LRRTM4: variants seen among roughly 807,000 people sequenced by gnomAD.
The protein encoded by LRRTM4 is leucine-rich repeat transmembrane neuronal protein 4.
Under a neutral mutation model 47.6 loss-of-function variants are expected in LRRTM4, and 25 were observed. The ratio of observed to expected loss-of-function variants is 0.53; its 90% CI spans 0.38 to 0.73. LRRTM4 has a LOEUF of 0.73. LRRTM4 is among the 30% of genes least tolerant of loss of function. The probability of loss-of-function intolerance (pLI) is 0.00; values close to 1 mark genes in which losing one functional copy is unlikely to be tolerated. For missense variants in LRRTM4, 638 were observed against 713.4 expected, an observed-to-expected ratio of 0.89 and a Z score of 1.20; for synonymous variants, 311 against 269.5, an observed-to-expected ratio of 1.15 and a Z score of -1.51.
rs150723883 is a variant in LRRTM4 at position 77,037,727 on chromosome 2, TTTGG to T, written c.1552-288815_1552-288812del. On this transcript the variant is annotated intron_variant, in intron 3 of 3. Transcript: ENST00000409884. ...CTCCCCATTAGACACATTTTATTTG[TTTGG>T]TTGTTTGTTTGCTTATTTGTTTTCA... Among the ~76,000 whole-genome samples, 482 of 151,820 alleles carry T rather than the reference TTTGG, an allele frequency of 3.2e-3. 6 individuals carry two copies. In the East Asian group the frequency reaches 0.05, roughly 16 times the overall value.
intron 3 of LRRTM4, among the ~76,000 whole-genome samples, chr2:77,104,215 G>A (rs1166972551): frequency 2.0e-5 from 3 of 152,076 alleles, no homozygotes; most frequent in Admixed American, 6.5e-5. Context: ...CTTTGAGTCT[G>A]TGTCATCTTC....
chr2:76,928,321 A>AT (rs1390205498), intron 3 of LRRTM4, among the ~76,000 whole-genome samples: 1 of 152,192 alleles, frequency 6.6e-6, no homozygotes, highest in African/African-American at 2.4e-5. Flanking sequence ...ATCATGTATA[A>AT]TTTACTGAAT....
intron 3 of LRRTM4, among the ~76,000 whole-genome samples, chr2:76,916,253 C>T (rs1201403982): frequency 2.6e-5 from 4 of 151,414 alleles, no homozygotes; most frequent in Admixed American, 2.0e-4. Context: ...GGCGTGTTGG[C>T]GGGCGCCTGT....
intron 3 of LRRTM4, among the ~76,000 whole-genome samples, chr2:77,423,651 A>G (rs1674990206): frequency 6.6e-6 from 1 of 152,170 alleles, no homozygotes; most frequent in African/African-American, 2.4e-5. Context: ...AAGGGGCAAA[A>G]CTTTCTTTCA....
At chr2:76,823,693 TAAACA>T (rs1338606498) in intron 3 of LRRTM4, among the ~76,000 whole-genome samples, 2 of 151,372 alleles carry the variant, frequency 1.3e-5, no homozygotes, top group Admixed American at 6.6e-5. Context: ...TCAACAACAA[TAAACA>T]AAATAAAAGC....
At chr2:77,183,858 G>C (rs111434063) in intron 3 of LRRTM4, among the ~76,000 whole-genome samples, 17,181 of 151,966 alleles carry the variant, frequency 0.11, 2,597 homozygotes, top group African/African-American at 0.35. Context: ...CACATGTTCT[G>C]ACTCATAGGT....
At chr2:77,347,801 C>T (rs1250435784) in intron 3 of LRRTM4, among the ~76,000 whole-genome samples, 1 of 151,962 alleles carries the variant, frequency 6.6e-6, no homozygotes, top group Admixed American at 6.6e-5. Flanking sequence ...CTTGGTAGCT[C>T]TGGTCTAAAA....
chr2:77,517,448 C>T, intron 3 of LRRTM4: 1 of 984,970 alleles, frequency 1.0e-6, no homozygotes, highest in African/African-American at 1.7e-5. Flanking sequence ...GACAAACAGT[C>T]CCTGTTATGA....
chr2:76,973,165 C>G (rs554758264), intron 3 of LRRTM4, among the ~76,000 whole-genome samples: 70 of 151,856 alleles, frequency 4.6e-4, no homozygotes, highest in Non-Finnish European at 9.4e-4. Flanking sequence ...CAAGGAGACT[C>G]TGACAAAGAG....
At chr2:76,973,821 T>C (rs1050608211) in intron 3 of LRRTM4, among the ~76,000 whole-genome samples, 3 of 151,918 alleles carry the variant, frequency 2.0e-5, no homozygotes, top group African/African-American at 7.2e-5. Flanking sequence ...GTCAATCTTT[T>C]CCCATCATTT....
chr2:76,911,236 G>A (rs1428145556), intron 3 of LRRTM4, among the ~76,000 whole-genome samples: 1 of 148,230 alleles, frequency 6.7e-6, no homozygotes, highest in Non-Finnish European at 1.5e-5. Context: ...AGATAGACGT[G>A]TTGTGAAGCC....
chr2:77,295,113 C>T (rs1573209581), intron 3 of LRRTM4, among the ~76,000 whole-genome samples: 1 of 152,204 alleles, frequency 6.6e-6, no homozygotes, highest in East Asian at 1.9e-4. Flanking sequence ...GCTTATATTA[C>T]TGCACTTGTT....
At chr2:77,144,526 A>G (rs1010156074) in intron 3 of LRRTM4, among the ~76,000 whole-genome samples, 1 of 152,172 alleles carries the variant, frequency 6.6e-6, no homozygotes, top group African/African-American at 2.4e-5. Context: ...AGAAAAACAC[A>G]CTGGTCCACA....
At chr2:77,013,629 T>A (rs1464419712) in intron 3 of LRRTM4, among the ~76,000 whole-genome samples, 1 of 152,138 alleles carries the variant, frequency 6.6e-6, no homozygotes, top group Non-Finnish European at 1.5e-5. Flanking sequence ...AGTCTTTGGC[T>A]TGTCTTCAGT....
At chr2:77,505,741 C>T (rs1328615197) in intron 3 of LRRTM4, among the ~76,000 whole-genome samples, 2 of 151,430 alleles carry the variant, frequency 1.3e-5, no homozygotes, top group Non-Finnish European at 3.0e-5. Flanking sequence ...CATACATATA[C>T]ATGCATTATC....
chr2:77,309,284 C>T (rs1023318704), intron 3 of LRRTM4, among the ~76,000 whole-genome samples: 1 of 152,084 alleles, frequency 6.6e-6, no homozygotes, highest in African/African-American at 2.4e-5. Context: ...ATGTTTGGCT[C>T]TCCCTCCTGT....
At chr2:77,252,133 T>C (rs1050284966) in intron 3 of LRRTM4, among the ~76,000 whole-genome samples, 1 of 152,084 alleles carries the variant, frequency 6.6e-6, no homozygotes, top group African/African-American at 2.4e-5. Flanking sequence ...GCACCAGAAA[T>C]GTGTGAAGCA....
intron 3 of LRRTM4, among the ~76,000 whole-genome samples, chr2:76,887,635 G>T (rs992278846): frequency 6.7e-6 from 1 of 149,106 alleles, no homozygotes; most frequent in Non-Finnish European, 1.5e-5. Context: ...CACTGTATAT[G>T]ATATATACAG....
chr2:76,983,203 A>C (rs938569621), intron 3 of LRRTM4, among the ~76,000 whole-genome samples: 1 of 152,052 alleles, frequency 6.6e-6, no homozygotes. Context: ...TAAATATTCA[A>C]GGTAATGGTA....
Sources: allele counts gnomAD v4.1 joint callset (sites outside exome capture counted in the v4.1 genomes callset), GRCh38; gene constraint gnomAD v4.1.1; transcripts MANE v1.5; gene names NCBI Gene and HGNC (gene_info 2026-07-23, HGNC 2026-07-21).